The following MVB12B variants were observed in gnomAD, a reference collection of about 807,000 sequenced individuals.
MVB12B encodes the protein multivesicular body subunit 12B.
Under a neutral mutation model 41.6 loss-of-function variants are expected in MVB12B, and 16 were observed. The ratio of observed to expected loss-of-function variants is 0.38; its 90% CI spans 0.26 to 0.58. The LOEUF (loss-of-function observed/expected upper bound fraction) is 0.58. Among genes scored for constraint, MVB12B ranks in the 20% least tolerant of loss-of-function variants. The pLI is 0.62. For missense variants in MVB12B, 274 were observed against 380.2 expected, an observed-to-expected ratio of 0.72 and a Z score of 2.32; for synonymous variants, 133 against 139.7, an observed-to-expected ratio of 0.95 and a Z score of 0.34.
intron 9 of MVB12B, among the ~76,000 whole-genome samples, chr9:126,497,141 G>A (rs530705744): frequency 2.8e-4 from 43 of 152,272 alleles, no homozygotes; most frequent in African/African-American, 9.4e-4. Flanking sequence ...ACAGGCTTCT[G>A]CTTCTGGAGC....
At chr9:126,409,882 T>C (rs1251036100) in intron 6 of MVB12B, among the ~76,000 whole-genome samples, 2 of 152,262 alleles carry the variant, frequency 1.3e-5, no homozygotes, top group Non-Finnish European at 2.9e-5. Context: ...TGGCTTCCCA[T>C]TGCCTGGAAT....
intron 1 of MVB12B, among the ~76,000 whole-genome samples, chr9:126,328,053 A>C (rs1829032630): frequency 6.6e-6 from 1 of 152,190 alleles, no homozygotes; most frequent in South Asian, 2.1e-4. Context: ...GGGAAATCTT[A>C]TCAGCGGCAC....
chr9:126,340,688 C>A lies in MVB12B; in HGVS notation c.204+58C>A. On this transcript the variant is annotated intron_variant, in intron 2 of 9. Coordinates refer to ENST00000361171, the MANE Select transcript of MVB12B (RefSeq NM_033446.3). The surrounding 1 kb of genome is among the most constrained non-coding windows in gnomAD (Gnocchi z 4.0). ...CACTGATTCTACAAGTATTTATCTC[C>A]TGTGTCCAAGACCTTCTGGCCCTTG... The A allele has an allele frequency of 6.3e-7, 1 of 1,591,774 alleles. No individual in the cohort carries two copies. Among genetic ancestry groups the A allele is most frequent in the South Asian group, 1.1e-5 (1 of 89,890 alleles).
chr9:126,386,744 CT>C lies in MVB12B; in HGVS notation c.409+88del, dbSNP rs1830806544. The C allele has an allele frequency of 1.0e-6, 1 of 991,912 alleles. No individual in the cohort carries two copies. Among genetic ancestry groups the C allele is most frequent in the African/African-American group, 1.6e-5 (1 of 62,332 alleles). The allele number at this position is 991,912 out of a possible 1,614,324, so 61.4% of individuals were successfully genotyped here. On this transcript the variant is annotated intron_variant, in intron 4 of 9. Transcript: ENST00000361171. The surrounding 1 kb of genome is among the most constrained non-coding windows in gnomAD (Gnocchi z 4.3). ...TAGGTGTTTTTCTATGTGCATTTTT[CT>C]TCAGAAACACTTTTGGAGGCCTTAC...
chr9:126,391,457 C>G lies in MVB12B; in HGVS notation c.410-609C>G, dbSNP rs546474091. Among the ~76,000 whole-genome samples, 115 of 152,274 alleles carry G rather than the reference C, an allele frequency of 7.6e-4. No homozygotes were observed. Among genetic ancestry groups the G allele is most frequent in the African/African-American group, 2.7e-3 (112 of 41,546 alleles). On this transcript the variant is annotated intron_variant, in intron 4 of 9. Coordinates refer to ENST00000361171, the MANE Select transcript of MVB12B (RefSeq NM_033446.3). The surrounding 1 kb of genome is among the most constrained non-coding windows in gnomAD (Gnocchi z 4.4). The stretch of plus-strand genomic sequence containing the variant: ...TTGGATGATACTCAGGAATTCTGTT[C>G]GTTTTGTTAGGAATGGTGATGGCAT...
chr9:126,326,953 ACGGAGC>A lies in MVB12B; in HGVS notation c.28_33del (p.Ser10_Arg11del), dbSNP rs1828985814. The A allele has an allele frequency of 3.7e-6, 1 of 270,526 alleles. No homozygotes were observed. The highest frequency in any genetic ancestry group is 2.9e-5 in the South Asian group (1 of 34,930). The allele number at this position is 270,526 out of a possible 1,614,324, so 16.8% of individuals were successfully genotyped here. ...CGATGAGAAGCTGCTTCTGCGTGAG[ACGGAGC>A]CGGGACCCGCCGCCGCCGCAGCCAC... is the stretch of plus-strand genomic sequence containing the variant. On this transcript the variant is annotated inframe_deletion, in exon 1 of 10. Transcript: ENST00000361171.
At chr9:126,488,008 T>G (rs1445702389) in intron 9 of MVB12B, among the ~76,000 whole-genome samples, 1 of 152,194 alleles carries the variant, frequency 6.6e-6, no homozygotes, top group African/African-American at 2.4e-5. Flanking sequence ...GTCCACACAC[T>G]CTGGCCAACG....
chr9:126,404,878 C>T (rs1270026177), intron 6 of MVB12B, among the ~76,000 whole-genome samples: 1 of 152,204 alleles, frequency 6.6e-6, no homozygotes, highest in Non-Finnish European at 1.5e-5. Context: ...TCAAAATGCT[C>T]GTGAACAGAG....
chr9:126,457,546 G>A (rs1294969577), intron 7 of MVB12B, among the ~76,000 whole-genome samples: 1 of 152,082 alleles, frequency 6.6e-6, no homozygotes, highest in Non-Finnish European at 1.5e-5. Context: ...TTTTAGATTT[G>A]GGGGTACCTG....
intron 5 of MVB12B, among the ~76,000 whole-genome samples, chr9:126,393,112 A>G (rs564871140): frequency 2.6e-5 from 4 of 152,348 alleles, no homozygotes; most frequent in Non-Finnish European, 5.9e-5. Context: ...TTGCAGCTCC[A>G]TAAATACTTA....
In MVB12B at chr9:126,478,770, T is replaced by C. The variant is rs6478741; in HGVS notation, c.758-2599T>C. On this transcript the variant is annotated intron_variant, in intron 7 of 9. Coordinates refer to ENST00000361171, the MANE Select transcript of MVB12B (RefSeq NM_033446.3). The surrounding 1 kb of genome is among the most constrained non-coding windows in gnomAD (Gnocchi z 4.2). ...TCCTCTCTGCCACCCCCAGTACTTC[T>C]CAGCCCCCTCAGTTCCTGATGTAAT... Among the ~76,000 whole-genome samples the C allele has an allele frequency of 0.3, 45,867 of 151,780 alleles. 6,943 individuals carry two copies. Among genetic ancestry groups the C allele is most frequent in the Middle Eastern group, 0.33 (96 of 294 alleles).
At chr9:126,379,106 G>C (rs999759961) in intron 2 of MVB12B, among the ~76,000 whole-genome samples, 7 of 152,226 alleles carry the variant, frequency 4.6e-5, no homozygotes, top group African/African-American at 1.2e-4. Flanking sequence ...CCTGCAGACA[G>C]TTTCTGTTTT....
At chr9:126,465,279 T>G (rs974192777) in intron 7 of MVB12B, among the ~76,000 whole-genome samples, 1 of 152,192 alleles carries the variant, frequency 6.6e-6, no homozygotes, top group African/African-American at 2.4e-5. Flanking sequence ...ATCTTAAACA[T>G]CTTCTAGCCC....
At chr9:126,471,320 C>T (rs1391066650) in intron 7 of MVB12B, among the ~76,000 whole-genome samples, 2 of 152,194 alleles carry the variant, frequency 1.3e-5, no homozygotes, top group Non-Finnish European at 2.9e-5. Context: ...CAAAGCCATA[C>T]GGCCAACAAG....
chr9:126,477,003 A>G (rs1386142778), intron 7 of MVB12B, among the ~76,000 whole-genome samples: 1 of 152,124 alleles, frequency 6.6e-6, no homozygotes, highest in Non-Finnish European at 1.5e-5. Context: ...AATACCTGAG[A>G]CTGGGTCATT....
chr9:126,364,215 T>C (rs10819148), intron 2 of MVB12B, among the ~76,000 whole-genome samples: 33,048 of 152,154 alleles, frequency 0.22, 3,617 homozygotes, highest in East Asian at 0.27. Flanking sequence ...AGCTGAGTAA[T>C]AGAGTACATA....
intron 2 of MVB12B, among the ~76,000 whole-genome samples, chr9:126,363,239 A>G (rs183251564): frequency 1.2e-4 from 18 of 152,244 alleles, no homozygotes; most frequent in Admixed American, 1.0e-3. Flanking sequence ...TACATTCAAC[A>G]ACCTCATTGA....
At chr9:126,475,628 G>A (rs1003287559) in intron 7 of MVB12B, among the ~76,000 whole-genome samples, 2 of 152,270 alleles carry the variant, frequency 1.3e-5, no homozygotes. Context: ...GGTGAGAAGG[G>A]CACTGTGAGA....
intron 9 of MVB12B, among the ~76,000 whole-genome samples, chr9:126,499,150 A>G (rs1833897946): frequency 6.6e-6 from 1 of 152,016 alleles, no homozygotes; most frequent in African/African-American, 2.4e-5. Context: ...ACCTTCTATC[A>G]CAGGACACTG....
Sources: gnomAD v4.1 joint callset for allele counts (sites outside exome capture counted in the v4.1 genomes callset) on GRCh38, gnomAD v4.1.1 for gene constraint, Gnocchi (gnomAD v3.1) non-coding constraint, MANE v1.5 for transcripts, NCBI Gene and HGNC (gene_info 2026-07-23, HGNC 2026-07-21) for gene names.